TRIM62: variants seen among roughly 807,000 people sequenced by gnomAD.
TRIM62 encodes E3 ubiquitin-protein ligase TRIM62.
In TRIM62, 39 loss-of-function variants were observed where a neutral mutation model predicts 44.2. That is an observed-to-expected ratio of 0.88 (90% CI 0.68 to 1.15). TRIM62 has a LOEUF of 1.15. Ranked by LOEUF, TRIM62 falls within the 50% of genes most tolerant of loss-of-function variation. The pLI, the probability that TRIM62 is intolerant of heterozygous loss-of-function variation, is 0.00. For synonymous variants in TRIM62, 278 were observed against 292.3 expected (o/e 0.95, Z 0.50); for missense variants, 544 against 665.5 (o/e 0.82, Z 2.01).
Position 33,161,387 on chromosome 1 carries a change from A to G in TRIM62, c.505-1443T>C, listed in dbSNP as rs553812751. On this transcript the variant is annotated intron_variant, in intron 2 of 4. Transcript: ENST00000291416. The surrounding 1 kb of genome is among the most constrained non-coding windows in gnomAD (Gnocchi z 4.3). ...GCAGCATGTGGGGCCTGCCTCTGCA[A>G]TTTTACTTTGTGGGATTCTGGCTGG... Among the ~76,000 whole-genome samples, 1 of 152,056 alleles carries G rather than the reference A, an allele frequency of 6.6e-6. No individual in the cohort carries two copies. The highest frequency in any genetic ancestry group is 1.9e-4 in the East Asian group (1 of 5,156).
intron 4 of TRIM62, among the ~76,000 whole-genome samples, chr1:33,148,767 T>C (rs78680807): frequency 0.02 from 3,099 of 152,282 alleles, 100 homozygotes; most frequent in African/African-American, 0.07. Context: ...TACACATGAT[T>C]TGTTATGAAA....
chr1:33,171,276 G>A (rs1645373014), intron 1 of TRIM62, among the ~76,000 whole-genome samples: 1 of 152,234 alleles, frequency 6.6e-6, no homozygotes, highest in Admixed American at 6.5e-5. Context: ...AGAGACCCAG[G>A]ACCAGAGGGG....
rs1053423018 is a variant in TRIM62, at chr1:33,173,766, A to G, written c.408+7259T>C. 2.0e-5 allele frequency among the ~76,000 whole-genome samples: 3 copies of G among 151,542 alleles called. No individual in the cohort carries two copies. The East Asian group carries it at 5.8e-4, about 29-fold the overall frequency. ...TAGGCTGAAGTGCAGTGGTGCAATC[A>G]TAGCTCACTATAGCCTCAAACTCCT... On this transcript the variant is annotated intron_variant, in intron 1 of 4. Transcript: ENST00000291416.
chr1:33,166,409 T>G (rs1436876905), intron 1 of TRIM62: 1 of 149,766 alleles, frequency 6.7e-6, no homozygotes, highest in Non-Finnish European at 1.5e-5. Context: ...TGGGGACCAC[T>G]GCTCTAAGGA....
rs4045806 is a variant in TRIM62, at chr1:33,159,574, G to T, written c.761+114C>A. Reference sequence around the variant, plus strand: ...AGATGTCCCGTAAATGTTTGATGAAGATTTGAATGAAAGAATTCTCTGCTA... The same window carrying T: ...AGATGTCCCGTAAATGTTTGATGAATATTTGAATGAAAGAATTCTCTGCTA... On this transcript the variant is annotated intron_variant, in intron 3 of 4. Coordinates refer to ENST00000291416, the MANE Select transcript of TRIM62 (RefSeq NM_018207.3). This position sits in a 1 kb window ranked among gnomAD's most constrained non-coding sequence, Gnocchi z 4.2. The T allele has an allele frequency of 5.7e-6, 8 of 1,398,300 alleles. No individual in the cohort carries two copies. The highest frequency in any genetic ancestry group is 2.6e-5 in the Admixed American group (1 of 38,350). The allele number at this position is 1,398,300 out of a possible 1,614,324, so 86.6% of individuals were successfully genotyped here.
chr1:33,156,256 C>T (rs1332160092), intron 4 of TRIM62, among the ~76,000 whole-genome samples: 1 of 152,180 alleles, frequency 6.6e-6, no homozygotes, highest in Non-Finnish European at 1.5e-5. Context: ...ACAGCACTGC[C>T]ACACTCTCTC....
rs1279127543 is a variant in TRIM62 at position 33,159,193 on chromosome 1, C to T, written c.761+495G>A. Among the ~76,000 whole-genome samples the T allele has an allele frequency of 6.6e-6, 1 of 151,962 alleles. No individual in the cohort carries two copies. The highest frequency in any genetic ancestry group is 6.6e-5 in the Admixed American group (1 of 15,254). Reference sequence around the variant, plus strand: ...GAAATGATGATGACAGTGGTAACTACTTTCAAAGGGACTGAGAGGGTTACA... The same window carrying T: ...GAAATGATGATGACAGTGGTAACTATTTTCAAAGGGACTGAGAGGGTTACA... On this transcript the variant is annotated intron_variant, in intron 3 of 4. Transcript: ENST00000291416. The surrounding 1 kb of genome is among the most constrained non-coding windows in gnomAD (Gnocchi z 4.2).
Position 33,159,828 on chromosome 1 carries a change from C to G in TRIM62, c.621G>C (p.Thr207=), listed in dbSNP as rs1443051043. Residue 207 remains threonine (T), a synonymous_variant, in exon 3 of 5, where the codon ACG becomes ACC. Coordinates refer to ENST00000291416, the MANE Select transcript of TRIM62 (RefSeq NM_018207.3). The surrounding 1 kb of genome is among the most constrained non-coding windows in gnomAD (Gnocchi z 4.2). Reference sequence around the variant, plus strand: ...GGACTTTCTGCTCGATGTCGGTCAGCGTGCGGGCCGTGTCCGCCTCCAGCT... The same window carrying G: ...GGACTTTCTGCTCGATGTCGGTCAGGGTGCGGGCCGTGTCCGCCTCCAGCT... ...LEELEADTAR[T]LTDIEQKVQR... The G allele has an allele frequency of 3.1e-6, 5 of 1,613,592 alleles. No homozygotes were observed. Among genetic ancestry groups the G allele is most frequent in the Non-Finnish European group, 4.2e-6 (5 of 1,180,012 alleles).
At chr1:33,154,084 C>T (rs1387121809) in intron 4 of TRIM62, among the ~76,000 whole-genome samples, 3 of 152,182 alleles carry the variant, frequency 2.0e-5, no homozygotes, top group Non-Finnish European at 4.4e-5. Flanking sequence ...TAGAGGGCTG[C>T]AGCCGAAGGG....
rs901996516 is a variant in TRIM62, at chr1:33,159,246, C to A, written c.761+442G>T. On this transcript the variant is annotated intron_variant, in intron 3 of 4. Coordinates refer to ENST00000291416, the MANE Select transcript of TRIM62 (RefSeq NM_018207.3). This position sits in a 1 kb window ranked among gnomAD's most constrained non-coding sequence, Gnocchi z 4.2. ...AATATAAAGCCTTTATATAGTAACA[C>A]GTAATGCCAACATTATCATAAATAA... 6.6e-6 allele frequency among the ~76,000 whole-genome samples: 1 copy of A among 151,508 alleles called. No homozygotes were observed. Among genetic ancestry groups the A allele is most frequent in the Non-Finnish European group, 1.5e-5 (1 of 67,934 alleles).
In TRIM62 at chr1:33,181,170, C is replaced by G. The variant is rs781449267; in HGVS notation, c.263G>C (p.Arg88Pro). 1.3e-6 allele frequency: 2 copies of G among 1,596,862 alleles called. No individual in the cohort carries two copies. Among genetic ancestry groups the G allele is most frequent in the Non-Finnish European group, 1.7e-6 (2 of 1,176,976 alleles). Residue 88 changes from arginine to proline, a missense_variant, in exon 1 of 5, where the codon CGC (arginine) becomes CCC (proline). Transcript: ENST00000291416. This position sits in a 1 kb window ranked among gnomAD's most constrained non-coding sequence, Gnocchi z 6.5. Reference protein sequence around the residue: ...FPLDAILNARRAARPCQAHDK... With the variant: ...FPLDAILNARPAARPCQAHDK... ...GTGCGCCTGGCAGGGTCGCGCGGCG[C>G]GGCGCGCGTTGAGGATGGCGTCCAG... is the stretch of plus-strand genomic sequence containing the variant.
intron 1 of TRIM62, among the ~76,000 whole-genome samples, chr1:33,174,595 A>AG (rs1474667219): frequency 6.6e-6 from 1 of 152,088 alleles, no homozygotes; most frequent in Admixed American, 6.6e-5. Flanking sequence ...AGAGAGAGAG[A>AG]AGGAGAGCAT....
intron 1 of TRIM62, among the ~76,000 whole-genome samples, chr1:33,179,188 C>T (rs1645442637): frequency 6.6e-6 from 1 of 152,254 alleles, no homozygotes; most frequent in African/African-American, 2.4e-5. Context: ...TGGACAGCAG[C>T]AGCGCCTAAA....
At chr1:33,166,254 A>G (rs1402326015) in intron 1 of TRIM62, 2 of 152,238 alleles carry the variant, frequency 1.3e-5, no homozygotes, top group Non-Finnish European at 2.9e-5. Flanking sequence ...ATTCCATTAT[A>G]TATTACAATG....
chr1:33,176,502 G>T lies in TRIM62; in HGVS notation c.408+4523C>A, dbSNP rs762336391. 1.4e-4 allele frequency: 92 copies of T among 673,914 alleles called. No individual in the cohort carries two copies. The African/African-American group carries it at 1.5e-3, about 11-fold the overall frequency. 41.7% of individuals were successfully genotyped at this position (673,914 alleles called of 1,614,324 possible). ...AATGGTCACATGAGGCCTGGAGGGG[G>T]CGGCTGAGACTGAATCGGATCCCCT... is the stretch of plus-strand genomic sequence containing the variant. On this transcript the variant is annotated intron_variant, in intron 1 of 4. Transcript: ENST00000291416.
In TRIM62 at chr1:33,177,136, C is replaced by A. The variant is rs646065; in HGVS notation, c.408+3889G>T. Among the ~76,000 whole-genome samples the A allele has an allele frequency of 6.6e-6, 1 of 151,708 alleles. No individual in the cohort carries two copies. The highest frequency in any genetic ancestry group is 2.4e-5 in the African/African-American group (1 of 41,260). ...ACATGCATGTACGCATGCACACACA[C>A]GCACATGCACACCCACAGGTTACAT... On this transcript the variant is annotated intron_variant, in intron 1 of 4. Coordinates refer to ENST00000291416, the MANE Select transcript of TRIM62 (RefSeq NM_018207.3). This position sits in a 1 kb window ranked among gnomAD's most constrained non-coding sequence, Gnocchi z 4.1.
At chr1:33,157,812 A>C (rs1645201703) in intron 4 of TRIM62, among the ~76,000 whole-genome samples, 1 of 150,820 alleles carries the variant, frequency 6.6e-6, no homozygotes, top group Admixed American at 6.6e-5. Flanking sequence ...GCTGGAGTGC[A>C]GTGGCTCAGT....
At chr1:33,179,358 C>T (rs1409184997) in intron 1 of TRIM62, among the ~76,000 whole-genome samples, 1 of 152,204 alleles carries the variant, frequency 6.6e-6, no homozygotes, top group Non-Finnish European at 1.5e-5. Context: ...CGATGGTGAA[C>T]ATGGGCCATT....
chr1:33,159,076 C>T lies in TRIM62; in HGVS notation c.761+612G>A, dbSNP rs889327897. ...GTCAGGCTGGTCCTGAACTCCTGAC[C>T]TCAGGTAATCCACCTGCCTCGGCCT... is the stretch of plus-strand genomic sequence containing the variant. On this transcript the variant is annotated intron_variant, in intron 3 of 4. Transcript: ENST00000291416. This position sits in a 1 kb window ranked among gnomAD's most constrained non-coding sequence, Gnocchi z 4.2. Among the ~76,000 whole-genome samples the T allele has an allele frequency of 5.3e-5, 8 of 151,840 alleles. No homozygotes were observed. The highest frequency in any genetic ancestry group is 1.7e-4 in the African/African-American group (7 of 41,314).
Sources: gnomAD v4.1 joint callset for allele counts (sites outside exome capture counted in the v4.1 genomes callset) on GRCh38, gnomAD v4.1.1 for gene constraint, Gnocchi (gnomAD v3.1) non-coding constraint, MANE v1.5 for transcripts, NCBI Gene and HGNC (gene_info 2026-07-23, HGNC 2026-07-21) for gene names.